SCFD1: variants seen among roughly 807,000 people sequenced by gnomAD.
The protein encoded by SCFD1 is sec1 family domain-containing protein 1.
SCFD1 carries 37 observed loss-of-function variants against 103.2 expected under a neutral mutation model. The observed-to-expected ratio is 0.36, with a 90% CI of 0.28 to 0.47. SCFD1 has a LOEUF of 0.47. SCFD1 is among the 20% of genes least tolerant of loss of function. SCFD1 has a pLI of 1.00. For synonymous variants in SCFD1, 264 were observed against 245.0 expected, an observed-to-expected ratio of 1.08 and a Z score of -0.73; for missense variants, 639 against 761.2, an observed-to-expected ratio of 0.84 and a Z score of 1.89.
At position 30,670,411 on chromosome 14, in the gene SCFD1, A is replaced by G; in HGVS notation, c.995+16A>G. The G allele has an allele frequency of 5.3e-6, 8 of 1,503,606 alleles. No individual in the cohort carries two copies. The highest frequency in any genetic ancestry group is 1.3e-5 in the South Asian group (1 of 78,934). 93.1% of individuals were successfully genotyped at this position (1,503,606 alleles called of 1,614,324 possible). A position where few individuals can be genotyped will look rare whatever the true frequency, so the allele number is the denominator to read the frequency against. On this transcript the variant is annotated intron_variant, in intron 11 of 24. Transcript: ENST00000458591. ...ATAAAGGAAGGTAAGCAAAATATCA[A>G]TAAGTAAAAGATTCATTTTTTTAAA...
intron 19 of SCFD1, 61 bp downstream of exon 19, chr14:30,708,126 C>A: frequency 9.4e-7 from 1 of 1,061,322 alleles, no homozygotes; most frequent in Non-Finnish European, 1.5e-6. Flanking sequence ...GACAGGCTAA[C>A]TGCTCAGGTA....
rs562500789 is a variant in SCFD1, at chr14:30,720,908, T to A, written c.1737-976T>A. ...ACTGAGAAATATTTAATCCTTAATG[T>A]AGTTTATGCATGGTAATGAGGAAGA... On this transcript the variant is annotated intron_variant, in intron 21 of 24. Coordinates refer to ENST00000458591, the MANE Select transcript of SCFD1 (RefSeq NM_016106.4). 2.0e-5 allele frequency among the ~76,000 whole-genome samples: 3 copies of A among 152,324 alleles called. No individual in the cohort carries two copies. In the South Asian group the frequency reaches 6.2e-4, roughly 32 times the overall value.
intron 16 of SCFD1, among the ~76,000 whole-genome samples, chr14:30,701,266 C>A (rs1891058595): frequency 1.3e-5 from 2 of 152,172 alleles, no homozygotes; most frequent in African/African-American, 4.8e-5. Flanking sequence ...CAAAGCTTTA[C>A]TTCTAATTTT....
chr14:30,669,696 T>C (rs1888363397), intron 10 of SCFD1: 1 of 152,228 alleles, frequency 6.6e-6, no homozygotes, highest in Non-Finnish European at 1.5e-5. Context: ...TCTATTGTAA[T>C]TTTTAAAATT....
chr14:30,635,065 C>G, intron 4 of SCFD1: 1 of 417,912 alleles, frequency 2.4e-6, no homozygotes, highest in Non-Finnish European at 4.7e-6. Flanking sequence ...CAAGTCACAA[C>G]ATCTTTGTTA....
intron 17 of SCFD1, among the ~76,000 whole-genome samples, chr14:30,704,376 A>G (rs1194027917): frequency 1.3e-5 from 2 of 152,306 alleles, no homozygotes; most frequent in Admixed American, 1.3e-4. Flanking sequence ...TTTTAGAGAT[A>G]CAGTTTTGTA....
chr14:30,648,383 T>A (rs1409584075), intron 7 of SCFD1, among the ~76,000 whole-genome samples: 1 of 152,232 alleles, frequency 6.6e-6, no homozygotes, highest in Non-Finnish European at 1.5e-5. Flanking sequence ...CAGTTTGTCT[T>A]ATGAGACTTT....
At chr14:30,714,373 A>T (rs1255720529) in intron 19 of SCFD1, among the ~76,000 whole-genome samples, 1 of 151,838 alleles carries the variant, frequency 6.6e-6, no homozygotes, top group Non-Finnish European at 1.5e-5. Flanking sequence ...AAAAAAAAAA[A>T]AAAGGTAAAA....
At chr14:30,646,561 G>A (rs1170152864) in intron 7 of SCFD1, among the ~76,000 whole-genome samples, 1 of 152,008 alleles carries the variant, frequency 6.6e-6, no homozygotes, top group Admixed American at 6.6e-5. Context: ...ATTCATCAGG[G>A]GTATCAGACT....
intron 7 of SCFD1, chr14:30,644,025 C>A (rs917030315): frequency 8.8e-6 from 4 of 455,438 alleles, no homozygotes; most frequent in Non-Finnish European, 1.8e-5. Flanking sequence ...TCAGGTAGAC[C>A]CCAATATCTA....
chr14:30,623,648 C>CT (rs1883085964), intron 1 of SCFD1, among the ~76,000 whole-genome samples: 1 of 152,056 alleles, frequency 6.6e-6, no homozygotes, highest in Admixed American at 6.5e-5. Context: ...TACAAGAGAG[C>CT]TTTTTGAAAA....
intron 10 of SCFD1, chr14:30,658,404 T>C (rs1887114215): frequency 6.5e-6 from 1 of 154,694 alleles, no homozygotes; most frequent in Non-Finnish European, 1.4e-5. Flanking sequence ...TATTTATTTA[T>C]TTTTTTGAGA....
chr14:30,670,138 G>C, intron 10 of SCFD1, 118 bp from the exon 11 acceptor site: 1 of 729,484 alleles, frequency 1.4e-6, no homozygotes, highest in Non-Finnish European at 2.3e-6. Flanking sequence ...AGATTGGGAG[G>C]AGATGTTTTA....
chr14:30,703,951 ATATATATATAT>A, intron 17 of SCFD1, among the ~76,000 whole-genome samples: 1 of 58,924 alleles, frequency 1.7e-5, no homozygotes, highest in African/African-American at 1.9e-4. Flanking sequence ...ATATATATAT[ATATATATATAT>A]AAATAATGAG....
intron 7 of SCFD1, among the ~76,000 whole-genome samples, chr14:30,649,203 A>T (rs1886161838): frequency 6.6e-6 from 1 of 152,074 alleles, no homozygotes; most frequent in Non-Finnish European, 1.5e-5. Flanking sequence ...GGAAATTATA[A>T]ATCCTTTTAT....
intron 23 of SCFD1, 164 bp downstream of exon 23, chr14:30,722,723 G>C (rs975252153): frequency 9.9e-6 from 4 of 403,366 alleles, no homozygotes; most frequent in Non-Finnish European, 1.3e-5. Flanking sequence ...TCCTATTCCT[G>C]TCACATTCAT....
intron 10 of SCFD1, chr14:30,658,089 T>C (rs772494111): frequency 4.4e-6 from 2 of 455,480 alleles, no homozygotes; most frequent in South Asian, 3.1e-5. Context: ...GCAGGAGAGG[T>C]GGATTTGATT....
rs144860169 is a variant in SCFD1 at position 30,639,842 on chromosome 14, T to G, written c.501T>G (p.Asn167Lys). The change falls in exon 6 of 25, where the codon AAT (asparagine) becomes AAG (lysine). Residue 167 changes from asparagine to lysine, a missense_variant. Transcript: ENST00000458591. ...EDDMFVLCNQ[N>K]KELVSYRAIN... The stretch of plus-strand genomic sequence containing the variant: ...ATATGTTTGTATTATGTAATCAAAA[T>G]AAGGAGCTTGTTTCATATCGTGGTA... The G allele has an allele frequency of 6.3e-7, 1 of 1,583,644 alleles. No homozygotes were observed. The highest frequency in any genetic ancestry group is 8.6e-7 in the Non-Finnish European group (1 of 1,165,030).
chr14:30,672,747 C>T (rs1888671870), intron 11 of SCFD1, among the ~76,000 whole-genome samples: 1 of 152,158 alleles, frequency 6.6e-6, no homozygotes, highest in Non-Finnish European at 1.5e-5. Context: ...GGCCCAAGTG[C>T]TATTTTTACC....
Sources: gnomAD v4.1 joint callset for allele counts (sites outside exome capture counted in the v4.1 genomes callset) on GRCh38, gnomAD v4.1.1 for gene constraint, MANE v1.5 for transcripts, NCBI Gene and HGNC (gene_info 2026-07-23, HGNC 2026-07-21) for gene names.